KDM1A: variants seen among roughly 807,000 people sequenced by gnomAD.
The protein encoded by KDM1A is lysine demethylase 1A, also known as lysine-specific histone demethylase 1A.
In KDM1A, 49 loss-of-function variants were observed where a neutral mutation model predicts 109.4. That is an observed-to-expected ratio of 0.45 (90% CI 0.36 to 0.57). The LOEUF is 0.57. KDM1A is among the 20% of genes least tolerant of loss of function. The pLI is 0.00. For synonymous variants in KDM1A, 380 were observed against 415.4 expected (o/e 0.91, Z 1.04); for missense variants, 668 against 1,116.6 (o/e 0.60, Z 5.73).
chr1:23,026,268 T>A (rs541326772), intron 1 of KDM1A, among the ~76,000 whole-genome samples: 6 of 152,296 alleles, frequency 3.9e-5, no homozygotes, highest in Middle Eastern at 3.4e-3. Flanking sequence ...TTTTAATTTT[T>A]ATTTTTTGTG....
chr1:23,072,268 A>AT (rs973958583), intron 14 of KDM1A, 71 bp downstream of exon 14: 161 of 1,070,882 alleles, frequency 1.5e-4, no homozygotes, highest in Middle Eastern at 2.0e-4. Flanking sequence ...TGGAAGGAAA[A>AT]TTCTAAATCA....
At chr1:23,054,910 A>G (rs561558524) in intron 5 of KDM1A, among the ~76,000 whole-genome samples, 159 bp from the exon 6 acceptor site, 2 of 152,334 alleles carry the variant, frequency 1.3e-5, no homozygotes, top group South Asian at 4.1e-4. Flanking sequence ...TGTGTGCATC[A>G]GCCACCGTGC....
rs1235810137 is a variant in KDM1A, at chr1:23,052,136, C to G, written c.711+1616C>G. On this transcript the variant is annotated intron_variant, in intron 4 of 20. Coordinates refer to ENST00000400181, the MANE Select transcript of KDM1A (RefSeq NM_001009999.3). Reference sequence around the variant, plus strand: ...GGATTTACAGGGATCTCTGTCTTTTCTGATTCACCAAAAATCCAGATTTGG... The same window carrying G: ...GGATTTACAGGGATCTCTGTCTTTTGTGATTCACCAAAAATCCAGATTTGG... Among the ~76,000 whole-genome samples the G allele has an allele frequency of 5.3e-5, 8 of 152,152 alleles. No individual in the cohort carries two copies. The South Asian group carries it at 1.4e-3, about 28-fold the overall frequency.
At chr1:23,020,074 C>T (rs1641575008) in intron 1 of KDM1A, 127 bp downstream of exon 1, 1 of 998,360 alleles carries the variant, frequency 1.0e-6, no homozygotes, top group Non-Finnish European at 1.3e-6. Flanking sequence ...TGTATCGCTG[C>T]GCACGCCACG....
At chr1:23,047,921 A>C (rs7528562) in intron 3 of KDM1A, among the ~76,000 whole-genome samples, 5,500 of 151,640 alleles carry the variant, frequency 0.036, 341 homozygotes, top group African/African-American at 0.13. Flanking sequence ...AAAAAAAAAA[A>C]CATCTGTAGT....
intron 2 of KDM1A, among the ~76,000 whole-genome samples, chr1:23,031,743 T>C (rs1418673763): frequency 6.6e-6 from 1 of 152,204 alleles, no homozygotes; most frequent in Non-Finnish European, 1.5e-5. Flanking sequence ...AGGATTGTAA[T>C]AAAGTGTACT....
chr1:23,063,733 G>C (rs1462708820), intron 9 of KDM1A, among the ~76,000 whole-genome samples: 1 of 151,942 alleles, frequency 6.6e-6, no homozygotes, highest in Non-Finnish European at 1.5e-5. Context: ...GAATTTACTG[G>C]GCACCTCTAC....
At chr1:23,026,233 C>T (rs926316745) in intron 1 of KDM1A, among the ~76,000 whole-genome samples, 2 of 151,602 alleles carry the variant, frequency 1.3e-5, no homozygotes, top group Non-Finnish European at 2.9e-5. Context: ...GCAGCTTTGC[C>T]GTAGATAAAA....
Position 23,059,090 on chromosome 1 carries a change from G to C in KDM1A, c.1090G>C (p.Val364Leu). ...VTGLGGNPMAVVSKQVNMELA... is the reference protein window; with the variant it reads ...VTGLGGNPMALVSKQVNMELA... ...TTTTCTAGGAGGGAATCCTATGGCTGTGGTCAGCAAACAAGTAAATATGGA... is the reference window on the plus strand; with the variant it reads ...TTTTCTAGGAGGGAATCCTATGGCTCTGGTCAGCAAACAAGTAAATATGGA... The change falls in exon 9 of 21, where the codon GTG (valine) becomes CTG (leucine). Residue 364 changes from valine to leucine, a missense_variant. Physicochemically the swap from Val to Leu is conservative, Grantham distance 32. Transcript: ENST00000400181. The C allele has an allele frequency of 6.2e-7, 1 of 1,611,272 alleles. No individual in the cohort carries two copies. Among genetic ancestry groups the C allele is most frequent in the Non-Finnish European group, 8.5e-7 (1 of 1,178,954 alleles).
chr1:23,050,520 A>T lies in KDM1A; in HGVS notation c.711A>T (p.Thr237=). 6.2e-7 allele frequency: 1 copy of T among 1,601,736 alleles called. No individual in the cohort carries two copies. Residue 237 remains threonine, a splice_region_variant and synonymous_variant, in exon 4 of 21, where the codon ACA becomes ACT. Transcript: ENST00000400181. ...TTTTTCTTTTCATTAGAAACCGCACAGTAAGTTTCCATTTCAGCTTTTTCA... is the reference window on the plus strand; with the variant it reads ...TTTTTCTTTTCATTAGAAACCGCACTGTAAGTTTCCATTTCAGCTTTTTCA... ...QKVFLFIRNR[T]LQLWLDNPKI...
rs976109049 is a variant in KDM1A, at chr1:23,079,311, C to A, written c.2055+134C>A. ...CCCAATTGTGACATCAGGGCTGAGG[C>A]GTGTCAGTTGATTCTCTTCAGTGCC... On this transcript the variant is annotated intron_variant, in intron 17 of 20. Transcript: ENST00000400181. This position sits in a 1 kb window ranked among gnomAD's most constrained non-coding sequence, Gnocchi z 5.6. 4 of 845,706 alleles carry A rather than the reference C, an allele frequency of 4.7e-6. No homozygotes were observed. Among genetic ancestry groups the A allele is most frequent in the African/African-American group, 3.4e-5 (2 of 58,774 alleles). 52.4% of individuals were successfully genotyped at this position (845,706 alleles called of 1,614,324 possible).
chr1:23,073,142 C>A, intron 14 of KDM1A, 150 bp from the exon 15 acceptor site: 2 of 543,126 alleles, frequency 3.7e-6, no homozygotes, highest in South Asian at 2.9e-5. Context: ...GTTAATAAGA[C>A]AGATAAGATG....
intron 2 of KDM1A, 65 bp downstream of exon 2, chr1:23,030,699 C>T (rs1641955555): frequency 1.4e-6 from 2 of 1,433,318 alleles, no homozygotes; most frequent in Admixed American, 4.9e-5. Flanking sequence ...GGATTTATTT[C>T]CATTTTGCAA....
chr1:23,064,713 A>G (rs1442295426), intron 9 of KDM1A, among the ~76,000 whole-genome samples: 6 of 152,326 alleles, frequency 3.9e-5, no homozygotes, highest in Admixed American at 3.3e-4. Context: ...GCTTTCCCAC[A>G]TTCTGCATGG....
At chr1:23,027,789 G>T (rs145143410) in intron 1 of KDM1A, among the ~76,000 whole-genome samples, 23 of 147,956 alleles carry the variant, frequency 1.6e-4, no homozygotes, top group African/African-American at 5.2e-4. Flanking sequence ...CATGGCAGAA[G>T]AAACTTCATT....
Position 23,077,301 on chromosome 1 carries a change from C to CA in KDM1A, c.1809dup (p.Glu604ArgfsTer6). 1 of 1,614,160 alleles carries CA rather than the reference C, an allele frequency of 6.2e-7. No homozygotes were observed. Among genetic ancestry groups the CA allele is most frequent in the Non-Finnish European group, 8.5e-7 (1 of 1,179,992 alleles). On this transcript the variant is annotated frameshift_variant, in exon 16 of 21. Coordinates refer to ENST00000400181, the MANE Select transcript of KDM1A (RefSeq NM_001009999.3). LOFTEE classifies it high-confidence loss of function. ...TACTCGTGTGTGCCTGTGGCTTTAGCAGAAGGCCTAGACATTAAACTGAAT... is the reference window on the plus strand; with the variant it reads ...TACTCGTGTGTGCCTGTGGCTTTAGCAAGAAGGCCTAGACATTAAACTGAAT...
At chr1:23,069,701 A>G (rs956273028) in intron 12 of KDM1A, among the ~76,000 whole-genome samples, 1 of 152,224 alleles carries the variant, frequency 6.6e-6, no homozygotes, top group African/African-American at 2.4e-5. Flanking sequence ...GGTGAAGACC[A>G]ACAAATCAGC....
intron 9 of KDM1A, 22 bp from the exon 10 acceptor site, chr1:23,066,038 T>C: frequency 6.2e-7 from 1 of 1,606,208 alleles, no homozygotes; most frequent in South Asian, 1.1e-5. Flanking sequence ...TTTATTTCTC[T>C]CTCTGCTGCA....
At chr1:23,083,141 G>A in intron 20 of KDM1A, 38 bp from the exon 21 acceptor site, 1 of 1,583,910 alleles carries the variant, frequency 6.3e-7, no homozygotes, top group Non-Finnish European at 8.6e-7. Flanking sequence ...AAAGGTATAT[G>A]TGCAGCCTGC....
Sources: gnomAD v4.1 joint callset for allele counts (sites outside exome capture counted in the v4.1 genomes callset) on GRCh38, gnomAD v4.1.1 for gene constraint, Gnocchi (gnomAD v3.1) non-coding constraint, MANE v1.5 for transcripts, NCBI Gene and HGNC (gene_info 2026-07-23, HGNC 2026-07-21) for gene names.